Variants in GPR146 observed in about 807,000 individuals in gnomAD.
The protein encoded by GPR146 is G protein-coupled receptor 146.
For synonymous variants in GPR146, 203 were observed against 104.3 expected (o/e 1.95, Z -5.77); for missense variants, 381 against 213.9 (o/e 1.78, Z -4.87).
intron 1 of GPR146, among the ~76,000 whole-genome samples, chr7:1,050,870 C>T (rs1783046634): frequency 6.6e-6 from 1 of 152,204 alleles, no homozygotes; most frequent in African/African-American, 2.4e-5. Context: ...GCTTGACGCG[C>T]AGGGGGTCTC....
At chr7:1,046,910 G>A (rs995540889) in intron 1 of GPR146, among the ~76,000 whole-genome samples, 6 of 152,212 alleles carry the variant, frequency 3.9e-5, no homozygotes, top group Admixed American at 6.5e-5. Context: ...TAAGATCTGC[G>A]GCTCAGAGCA....
At chr7:1,045,696 G>GT (rs1349613396) in intron 1 of GPR146, 1 of 152,264 alleles carries the variant, frequency 6.6e-6, no homozygotes, top group African/African-American at 2.4e-5. Flanking sequence ...AAGAACTACT[G>GT]TAAGGCCTGG....
chr7:1,047,839 C>T (rs1232695044), intron 1 of GPR146, among the ~76,000 whole-genome samples: 2 of 152,220 alleles, frequency 1.3e-5, no homozygotes, highest in Non-Finnish European at 2.9e-5. Context: ...CTCCTTTCTA[C>T]TCAGTGGGGA....
Position 1,057,822 on chromosome 7 carries a change from G to A in GPR146, c.307G>A (p.Val103Met), listed in dbSNP as rs763052483. The A allele has an allele frequency of 3.0e-5, 23 of 777,260 alleles. No homozygotes were observed. Among genetic ancestry groups the A allele is most frequent in the South Asian group, 5.4e-5 (4 of 74,620 alleles). 48.1% of individuals were successfully genotyped at this position (777,260 alleles called of 1,614,324 possible). Residue 103 changes from valine to methionine, a missense_variant, in exon 2 of 2, where the codon GTG becomes ATG. Transcript: ENST00000444847. ...GTGGAGTGTGGGCGGCGAAGTCCAC[G>A]TGGCACTGCAGATCCCCTTCAATGT... ...ALWSVGGEVH[V>M]ALQIPFNVSS... is the part of the protein sequence containing the mutation.
At chr7:1,047,670 C>T (rs1323326755) in intron 1 of GPR146, among the ~76,000 whole-genome samples, 2 of 152,242 alleles carry the variant, frequency 1.3e-5, no homozygotes, top group Admixed American at 6.5e-5. Context: ...ATGGCAGGTT[C>T]GGCCAGGAGC....
At chr7:1,049,367 C>T (rs768475862) in intron 1 of GPR146, among the ~76,000 whole-genome samples, 6 of 152,238 alleles carry the variant, frequency 3.9e-5, no homozygotes, top group Non-Finnish European at 7.3e-5. Flanking sequence ...TTGTGCTTCA[C>T]ATGGGTTGGT....
At chr7:1,053,430 C>T (rs990683767) in intron 1 of GPR146, among the ~76,000 whole-genome samples, 7 of 152,208 alleles carry the variant, frequency 4.6e-5, no homozygotes, top group African/African-American at 1.2e-4. Context: ...GCACGCGTCA[C>T]GAGTCTCCTG....
At chr7:1,051,319 C>T (rs561888635) in intron 1 of GPR146, among the ~76,000 whole-genome samples, 2 of 152,352 alleles carry the variant, frequency 1.3e-5, no homozygotes, top group East Asian at 3.9e-4. Flanking sequence ...CCAGCTCTGC[C>T]CCCTTTCTGC....
rs780111765 is a variant in GPR146 at position 1,058,505 on chromosome 7, G to A, written c.990G>A (p.Gln330=). ...CCCCGGACCACATGGGGGTGCAGCA[G>A]GTGCTGGCGTAGGCGGCCCAGCCCT... ...HCSPDHMGVQ[Q]VLA is the part of the protein sequence containing the mutation. Residue 330 remains glutamine (Q), a synonymous_variant, in exon 2 of 2, where the codon CAG becomes CAA. Transcript: ENST00000444847. 9 of 779,336 alleles carry A rather than the reference G, an allele frequency of 1.2e-5. No homozygotes were observed. Among genetic ancestry groups the A allele is most frequent in the Admixed American group, 1.0e-4 (6 of 58,978 alleles). 48.3% of individuals were successfully genotyped at this position (779,336 alleles called of 1,614,324 possible). A position where few individuals can be genotyped will look rare whatever the true frequency, so the allele number is the denominator to read the frequency against.
chr7:1,053,061 G>A (rs1033428829), intron 1 of GPR146, among the ~76,000 whole-genome samples: 1 of 152,242 alleles, frequency 6.6e-6, no homozygotes, highest in African/African-American at 2.4e-5. Flanking sequence ...GGCACAGCGG[G>A]CCTGCCCAGT....
rs1335101238 is a variant in GPR146, at chr7:1,058,495, G to A, written c.980G>A (p.Gly327Glu). Reference protein sequence around the residue: ...GDRHCSPDHMGVQQVLA With the variant: ...GDRHCSPDHMEVQQVLA Reference sequence around the variant, plus strand: ...CGGCACTGCTCCCCGGACCACATGGGGGTGCAGCAGGTGCTGGCGTAGGCG... The same window carrying A: ...CGGCACTGCTCCCCGGACCACATGGAGGTGCAGCAGGTGCTGGCGTAGGCG... The change falls in exon 2 of 2, where the codon GGG becomes GAG. Residue 327 changes from glycine to glutamate, a missense_variant. By Grantham distance (98) the Gly-to-Glu change is moderately conservative (BLOSUM62 -2). Transcript: ENST00000444847. 1.3e-6 allele frequency: 1 copy of A among 779,828 alleles called. No homozygotes were observed. The highest frequency in any genetic ancestry group is 1.7e-5 in the Admixed American group (1 of 59,026). 48.3% of individuals were successfully genotyped at this position (779,828 alleles called of 1,614,324 possible).
chr7:1,047,371 T>A (rs1782677250), intron 1 of GPR146, among the ~76,000 whole-genome samples: 1 of 152,216 alleles, frequency 6.6e-6, no homozygotes, highest in African/African-American at 2.4e-5. Context: ...CAGTTTGGAA[T>A]TGTAAAAAGC....
At chr7:1,057,406 G>A in intron 1 of GPR146, 86 bp from the exon 2 acceptor site, 2 of 611,048 alleles carry the variant, frequency 3.3e-6, no homozygotes, top group Non-Finnish European at 5.9e-6. Context: ...ACTGCACCAG[G>A]AGAAGGCACC....
At chr7:1,051,321 C>A (rs1342931785) in intron 1 of GPR146, among the ~76,000 whole-genome samples, 1 of 152,272 alleles carries the variant, frequency 6.6e-6, no homozygotes, top group African/African-American at 2.4e-5. Flanking sequence ...AGCTCTGCCC[C>A]CTTTCTGCTT....
chr7:1,046,111 A>G (rs138455260), intron 1 of GPR146, among the ~76,000 whole-genome samples: 72 of 152,394 alleles, frequency 4.7e-4, no homozygotes, highest in African/African-American at 1.7e-3. Context: ...CATACTGCAC[A>G]GATCGCTGCA....
Position 1,052,704 on chromosome 7 carries a change from G to A in GPR146, c.-24-4788G>A, listed in dbSNP as rs11973594. 0.014 allele frequency among the ~76,000 whole-genome samples: 2,176 copies of A among 152,160 alleles called. 42 individuals carry two copies. The highest frequency in any genetic ancestry group is 0.047 in the African/African-American group (1,944 of 41,508). Reference sequence around the variant, plus strand: ...GGCTGAGGGTGCAGTGGCGGGCCCCGGAAGCTGAATATCACCCCCGCCACC... The same window carrying A: ...GGCTGAGGGTGCAGTGGCGGGCCCCAGAAGCTGAATATCACCCCCGCCACC... On this transcript the variant is annotated intron_variant, in intron 1 of 1. Transcript: ENST00000444847. This position sits in a 1 kb window ranked among gnomAD's most constrained non-coding sequence, Gnocchi z 4.2.
chr7:1,056,676 C>T (rs1783810042), intron 1 of GPR146: 1 of 152,256 alleles, frequency 6.6e-6, no homozygotes, highest in African/African-American at 2.4e-5. Context: ...GGTGAGGACC[C>T]ACTCCCGCAG....
At chr7:1,053,361 C>A (rs981564367) in intron 1 of GPR146, among the ~76,000 whole-genome samples, 2 of 152,246 alleles carry the variant, frequency 1.3e-5, no homozygotes, top group African/African-American at 4.8e-5. Context: ...GGACAGGACC[C>A]CGGCTAATGT....
Position 1,057,380 on chromosome 7 carries a change from G to A in GPR146, c.-24-112G>A, listed in dbSNP as rs1583603676. ...AATGCACCAAAGGCAGCCTCGCTCT[G>A]TGGTCTGCAGCGATTACTGCACCAG... On this transcript the variant is annotated intron_variant, in intron 1 of 1. Coordinates refer to ENST00000444847, the MANE Select transcript of GPR146 (RefSeq NM_001303473.2). 1.2e-5 allele frequency: 7 copies of A among 599,696 alleles called. No homozygotes were observed. The East Asian group carries it at 1.7e-4, about 14-fold the overall frequency. The allele number at this position is 599,696 out of a possible 1,614,324, so 37.1% of individuals were successfully genotyped here.
Sources: gnomAD v4.1 joint callset for allele counts (sites outside exome capture counted in the v4.1 genomes callset) on GRCh38, gnomAD v4.1.1 for gene constraint, Gnocchi (gnomAD v3.1) non-coding constraint, MANE v1.5 for transcripts, NCBI Gene and HGNC (gene_info 2026-07-23, HGNC 2026-07-21) for gene names.